The following MMP16 variants were observed in gnomAD, a reference collection of about 807,000 sequenced individuals.
MMP16 encodes matrix metallopeptidase 16.
Under a neutral mutation model 67.8 loss-of-function variants are expected in MMP16, and 12 were observed. The observed-to-expected ratio is 0.18, with a 90% confidence interval of 0.11 to 0.29. The LOEUF (loss-of-function observed/expected upper bound fraction) is 0.29. MMP16 is among the 10% of genes least tolerant of loss of function. The pLI is 1.00. For missense variants in MMP16, 475 were observed against 765.7 expected (o/e 0.62, Z 4.48); for synonymous variants, 249 against 255.9 (o/e 0.97, Z 0.26).
intron 6 of MMP16, among the ~76,000 whole-genome samples, chr8:88,111,115 A>G (rs1809327237): frequency 6.6e-6 from 1 of 151,688 alleles, no homozygotes; most frequent in South Asian, 2.1e-4. Context: ...GGATGATCTT[A>G]TCCAAATGTA....
intron 6 of MMP16, among the ~76,000 whole-genome samples, chr8:88,081,974 G>A (rs1276016001): frequency 4.0e-5 from 6 of 151,844 alleles, no homozygotes; most frequent in East Asian, 1.9e-4. Context: ...AAATGTTTTC[G>A]AGAACCAACA....
chr8:88,063,293 T>G (rs1446036185), intron 7 of MMP16, among the ~76,000 whole-genome samples: 3 of 152,078 alleles, frequency 2.0e-5, no homozygotes, highest in Non-Finnish European at 4.4e-5. Flanking sequence ...ATTCAATGTC[T>G]GTTTATTATG....
intron 1 of MMP16, among the ~76,000 whole-genome samples, chr8:88,289,183 G>A (rs188503308): frequency 4.2e-4 from 64 of 152,212 alleles, no homozygotes; most frequent in Non-Finnish European, 8.8e-5. Context: ...GAGTGTGAGC[G>A]CGAGACTGCA....
chr8:88,079,897 T>TA (rs1358930958), intron 6 of MMP16, among the ~76,000 whole-genome samples: 1 of 152,212 alleles, frequency 6.6e-6, no homozygotes, highest in Non-Finnish European at 1.5e-5. Flanking sequence ...GCCTTGACCT[T>TA]AGACTTCCCA....
chr8:88,174,765 T>TG (rs919029590), intron 3 of MMP16, among the ~76,000 whole-genome samples: 2 of 151,794 alleles, frequency 1.3e-5, no homozygotes, highest in African/African-American at 2.4e-5. Context: ...TGCTTTTTTT[T>TG]TTTTTTTGAG....
At chr8:88,094,445 C>A (rs1331407907) in intron 6 of MMP16, among the ~76,000 whole-genome samples, 1 of 151,528 alleles carries the variant, frequency 6.6e-6, no homozygotes. Flanking sequence ...ATAAGATGGG[C>A]TATTGCTTTA....
intron 1 of MMP16, among the ~76,000 whole-genome samples, chr8:88,274,226 A>G (rs1054935076): frequency 2.6e-5 from 4 of 152,110 alleles, no homozygotes; most frequent in African/African-American, 4.8e-5. Flanking sequence ...GGATATATGT[A>G]TAGCTGAATT....
At chr8:88,325,134 AT>A (rs1311397434) in intron 1 of MMP16, among the ~76,000 whole-genome samples, 3 of 152,010 alleles carry the variant, frequency 2.0e-5, no homozygotes, top group Non-Finnish European at 4.4e-5. Context: ...TCCATAAACC[AT>A]TTTTCCCCAC....
At chr8:88,089,711 C>T (rs1808901631) in intron 6 of MMP16, among the ~76,000 whole-genome samples, 1 of 151,866 alleles carries the variant, frequency 6.6e-6, no homozygotes, top group African/African-American at 2.4e-5. Context: ...AAAGAAAGCA[C>T]TAGGGATTTC....
Position 88,058,650 on chromosome 8 carries a change from G to A in MMP16, c.1223-2372C>T, listed in dbSNP as rs1808360447. Among the ~76,000 whole-genome samples the A allele has an allele frequency of 1.3e-5, 2 of 152,106 alleles. No individual in the cohort carries two copies. The highest frequency in any genetic ancestry group is 4.1e-4 in the South Asian group (2 of 4,832). ...CAACTGTGACATATAATTCAAAGGA[G>A]CCAGACCACTGAAGATTGTTTGAGG... On this transcript the variant is annotated intron_variant, in intron 7 of 9. Coordinates refer to ENST00000286614, the MANE Select transcript of MMP16 (RefSeq NM_005941.5). The surrounding 1 kb of genome is among the most constrained non-coding windows in gnomAD (Gnocchi z 4.2).
chr8:88,067,105 A>C (rs1470662174), intron 7 of MMP16, among the ~76,000 whole-genome samples: 1 of 152,054 alleles, frequency 6.6e-6, no homozygotes, highest in Non-Finnish European at 1.5e-5. Flanking sequence ...ATTTACTAAA[A>C]CTTAATTAAA....
intron 4 of MMP16, among the ~76,000 whole-genome samples, chr8:88,156,217 A>T (rs2129662987): frequency 6.6e-6 from 1 of 152,140 alleles, no homozygotes; most frequent in African/African-American, 2.4e-5. Context: ...TGGTCAAATA[A>T]TCTTTTCAAT....
intron 9 of MMP16, among the ~76,000 whole-genome samples, chr8:88,046,336 C>T (rs28906968): frequency 3.3e-5 from 5 of 152,144 alleles, no homozygotes; most frequent in East Asian, 1.9e-4. Context: ...TCCTTGTGAC[C>T]GGTTCTGTCC....
In MMP16 at chr8:88,316,394, T is replaced by C. The variant is rs568218133; in HGVS notation, c.132+10681A>G. Among the ~76,000 whole-genome samples, 8 of 152,260 alleles carry C rather than the reference T, an allele frequency of 5.3e-5. No individual in the cohort carries two copies. In the East Asian group the frequency reaches 1.5e-3, roughly 29 times the overall value. The stretch of plus-strand genomic sequence containing the variant: ...GACTGACTTTCTTGATAGGAGGTAA[T>C]GCAGCTGGCAACTTTAAGTTGAAGC... On this transcript the variant is annotated intron_variant, in intron 1 of 9. Coordinates refer to ENST00000286614, the MANE Select transcript of MMP16 (RefSeq NM_005941.5).
chr8:88,299,571 C>G (rs536226616), intron 1 of MMP16, among the ~76,000 whole-genome samples: 2 of 152,058 alleles, frequency 1.3e-5, no homozygotes, highest in Non-Finnish European at 2.9e-5. Flanking sequence ...TGAAACTATC[C>G]AGATATTACC....
chr8:88,284,699 G>C (rs1026103369), intron 1 of MMP16, among the ~76,000 whole-genome samples: 2 of 152,190 alleles, frequency 1.3e-5, no homozygotes, highest in Middle Eastern at 3.4e-3. Flanking sequence ...GTACACATTC[G>C]GCCTCTTTCT....
At chr8:88,203,194 CCCGGGTTCAAGGCATCCTCCTGCCTCAG>C (rs1374907869) in intron 1 of MMP16, among the ~76,000 whole-genome samples, 2 of 150,212 alleles carry the variant, frequency 1.3e-5, no homozygotes, top group African/African-American at 4.9e-5. Context: ...ACCTCCGTCA[CCCGGGTTCAAGGCATCCTCCTGCCTCAG>C]CCTCCCGAGT....
At chr8:88,292,415 C>A (rs889689503) in intron 1 of MMP16, among the ~76,000 whole-genome samples, 5 of 152,142 alleles carry the variant, frequency 3.3e-5, no homozygotes, top group Admixed American at 2.6e-4. Flanking sequence ...ATATACTTAA[C>A]CCGTGTGAAC....
intron 2 of MMP16, among the ~76,000 whole-genome samples, chr8:88,192,284 A>G (rs948601724): frequency 2.6e-5 from 4 of 152,182 alleles, no homozygotes; most frequent in African/African-American, 9.7e-5. Flanking sequence ...TCTTTTATCT[A>G]CAGACTCATT....
Sources: allele counts gnomAD v4.1 joint callset (sites outside exome capture counted in the v4.1 genomes callset), GRCh38; gene constraint gnomAD v4.1.1; non-coding constraint Gnocchi (gnomAD v3.1); transcripts MANE v1.5; gene names NCBI Gene and HGNC (gene_info 2026-07-23, HGNC 2026-07-21).